Variants in DNAH7 observed in about 807,000 individuals in gnomAD.
The protein encoded by DNAH7 is dynein axonemal heavy chain 7, also known as axonemal beta dynein heavy chain 7.
In DNAH7, 397 loss-of-function variants were observed where a neutral mutation model predicts 444.6. That is an observed-to-expected ratio of 0.89 (90% CI 0.82 to 0.97). The LOEUF is 0.97. Among genes scored for constraint, DNAH7 ranks in the 50% least tolerant of loss-of-function variants. The pLI is 0.00. For synonymous variants in DNAH7, 1,636 were observed against 1,624.4 expected, an observed-to-expected ratio of 1.01 and a Z score of -0.17; for missense variants, 4,902 against 4,800.8, an observed-to-expected ratio of 1.02 and a Z score of -0.62.
At chr2:195,971,600 G>A (rs1461848460) in intron 16 of DNAH7, among the ~76,000 whole-genome samples, 1 of 152,156 alleles carries the variant, frequency 6.6e-6, no homozygotes, top group East Asian at 1.9e-4. Flanking sequence ...GCGGGGGTGT[G>A]CTCAGAGTGA....
chr2:196,019,425 G>C (rs1695234285), intron 8 of DNAH7, 130 bp from the exon 9 acceptor site: 3 of 632,056 alleles, frequency 4.7e-6, no homozygotes, highest in Non-Finnish European at 6.9e-6. Flanking sequence ...AACAAAACAA[G>C]CAATTATGTT....
intron 57 of DNAH7, among the ~76,000 whole-genome samples, chr2:195,790,426 A>G (rs1695823929): frequency 6.6e-6 from 1 of 151,784 alleles, no homozygotes; most frequent in Non-Finnish European, 1.5e-5. Flanking sequence ...TTTAAATTAT[A>G]TTACAAGGCT....
intron 64 of DNAH7, 101 bp from the exon 65 acceptor site, chr2:195,738,228 A>G (rs1197922501): frequency 2.9e-6 from 3 of 1,040,092 alleles, no homozygotes; most frequent in Non-Finnish European, 2.8e-6. Context: ...TTATGCATGC[A>G]GATTTCTGTG....
intron 12 of DNAH7, chr2:195,995,398 AT>A: frequency 2.0e-6 from 1 of 491,998 alleles, no homozygotes. Flanking sequence ...GATGTATCAT[AT>A]GGCGTTTTTC....
At chr2:195,859,803 C>T (rs781333434) in intron 42 of DNAH7, among the ~76,000 whole-genome samples, 8 of 152,104 alleles carry the variant, frequency 5.3e-5, no homozygotes, top group Non-Finnish European at 1.0e-4. Context: ...CAGCTGAAAC[C>T]TTGTGCAACA....
intron 8 of DNAH7, among the ~76,000 whole-genome samples, chr2:196,019,772 A>T (rs2125752242): frequency 6.6e-6 from 1 of 152,338 alleles, no homozygotes; most frequent in Non-Finnish European, 1.5e-5. Context: ...CCCCGTTAAT[A>T]TGTAAACATC....
chr2:195,915,027 G>A (rs1251189177), intron 24 of DNAH7, among the ~76,000 whole-genome samples: 1 of 152,166 alleles, frequency 6.6e-6, no homozygotes, highest in Non-Finnish European at 1.5e-5. Context: ...TTCAGTTTGT[G>A]GATATTCAAT....
intron 59 of DNAH7, 47 bp downstream of exon 59, chr2:195,777,753 T>G (rs1695127900): frequency 6.5e-7 from 1 of 1,542,410 alleles, no homozygotes; most frequent in Non-Finnish European, 8.8e-7. Context: ...ACTACCAAAA[T>G]AATTTCATGT....
chr2:195,908,717 G>T (rs1259471832), intron 25 of DNAH7, among the ~76,000 whole-genome samples: 1 of 151,978 alleles, frequency 6.6e-6, no homozygotes, highest in African/African-American at 2.4e-5. Flanking sequence ...CTTTGCTATT[G>T]GGAATATTGC....
At chr2:195,744,407 A>C (rs529763806) in intron 63 of DNAH7, among the ~76,000 whole-genome samples, 1 of 152,084 alleles carries the variant, frequency 6.6e-6, no homozygotes, top group South Asian at 2.1e-4. Flanking sequence ...AGGCCTGCCT[A>C]CCTCTGGGGG....
At chr2:195,824,520 A>G (rs1697625850) in intron 48 of DNAH7, 75 bp from the exon 49 acceptor site, 1 of 1,269,818 alleles carries the variant, frequency 7.9e-7, no homozygotes, top group Non-Finnish European at 1.1e-6. Flanking sequence ...CAACCCTCCA[A>G]GTTCTTTCAG....
intron 10 of DNAH7, among the ~76,000 whole-genome samples, chr2:196,005,184 A>G (rs1011494935): frequency 1.3e-5 from 2 of 151,592 alleles, no homozygotes; most frequent in Non-Finnish European, 2.9e-5. Context: ...TGAGGTGGGA[A>G]AATGGCATGA....
At position 195,737,965 on chromosome 2, in the gene DNAH7, AGTGTTCCTTGG is replaced by A. The variant is rs1338358761; in HGVS notation, c.12020_12030del (p.Pro4007LeufsTer13). 1 of 1,614,130 alleles carries A rather than the reference AGTGTTCCTTGG, an allele frequency of 6.2e-7. No individual in the cohort carries two copies. The highest frequency in any genetic ancestry group is 8.5e-7 in the Non-Finnish European group (1 of 1,179,956). Reference sequence around the variant, plus strand: ...AACAGTGCTACACCTCGTCCAATCCAGTGTTCCTTGGGTTGGTCAGAGGGAAGAGTCATGGC... The same window carrying A: ...AACAGTGCTACACCTCGTCCAATCCAGTTGGTCAGAGGGAAGAGTCATGGC... On this transcript the variant is annotated frameshift_variant, in exon 65 of 65. Coordinates refer to ENST00000312428, the MANE Select transcript of DNAH7 (RefSeq NM_018897.3). LOFTEE classifies it high-confidence loss of function.
At position 195,754,457 on chromosome 2, in the gene DNAH7, G is replaced by A; in HGVS notation, c.11644C>T (p.Gln3882Ter). Reference sequence around the variant, plus strand: ...TGCTGGGCACCGGTCAGGAAGGCTTGTGTGAAGAAGAAGCCAGAAAGCCAG... The same window carrying A: ...TGCTGGGCACCGGTCAGGAAGGCTTATGTGAAGAAGAAGCCAGAAAGCCAG... ...VFWLSGFFFTQAFLTGAQQNY... is the reference protein window; with the variant it reads ...VFWLSGFFFT The change falls in exon 63 of 65, where the codon CAA becomes TAA. Residue 3882 changes from glutamine to a stop codon, truncating the protein, a stop_gained. Coordinates refer to ENST00000312428, the MANE Select transcript of DNAH7 (RefSeq NM_018897.3). LOFTEE classifies it high-confidence loss of function. 6.2e-7 allele frequency: 1 copy of A among 1,614,088 alleles called. No homozygotes were observed. The highest frequency in any genetic ancestry group is 8.5e-7 in the Non-Finnish European group (1 of 1,179,976).
At chr2:195,984,220 A>G (rs528607827) in intron 15 of DNAH7, among the ~76,000 whole-genome samples, 7 of 152,356 alleles carry the variant, frequency 4.6e-5, no homozygotes, top group East Asian at 1.9e-4. Context: ...CAACCCAACT[A>G]AGTGAGTGAC....
At chr2:195,949,065 G>A (rs57000118) in intron 19 of DNAH7, among the ~76,000 whole-genome samples, 4,069 of 152,154 alleles carry the variant, frequency 0.027, 158 homozygotes, top group African/African-American at 0.094. Flanking sequence ...ATTGTGAATG[G>A]GAGTTCGCTC....
intron 63 of DNAH7, among the ~76,000 whole-genome samples, chr2:195,748,922 A>G (rs1693607891): frequency 6.6e-6 from 1 of 152,208 alleles, no homozygotes; most frequent in Non-Finnish European, 1.5e-5. Context: ...GGACATAGGC[A>G]TGGGCAAGGA....
At chr2:195,840,272 T>C (rs1265881157) in intron 47 of DNAH7, among the ~76,000 whole-genome samples, 1 of 151,638 alleles carries the variant, frequency 6.6e-6, no homozygotes, top group African/African-American at 2.4e-5. Flanking sequence ...ATCAACTCAA[T>C]AGACGCAGAA....
chr2:196,001,880 T>G (rs1694060141), intron 10 of DNAH7, 22 bp from the exon 11 acceptor site: 3 of 1,576,630 alleles, frequency 1.9e-6, no homozygotes, highest in African/African-American at 1.4e-5. Flanking sequence ...AAAAGACTTT[T>G]AAAAGTCAGT....
Sources: gnomAD v4.1 joint callset for allele counts (sites outside exome capture counted in the v4.1 genomes callset) on GRCh38, gnomAD v4.1.1 for gene constraint, MANE v1.5 for transcripts, NCBI Gene and HGNC (gene_info 2026-07-23, HGNC 2026-07-21) for gene names.